LARP6: variants seen among roughly 807,000 people sequenced by gnomAD.
LARP6 encodes La ribonucleoprotein 6, translational regulator.
In LARP6, 18 loss-of-function variants were observed where a neutral mutation model predicts 32.8. The observed-to-expected ratio is 0.55, with a 90% CI of 0.38 to 0.81. The LOEUF is 0.81. Ranked by LOEUF, LARP6 falls within the 40% of genes least tolerant of loss-of-function variation. The pLI, the probability that LARP6 is intolerant of heterozygous loss-of-function variation, is 0.00. For missense variants in LARP6, 598 were observed against 663.1 expected (o/e 0.90, Z 1.08); for synonymous variants, 289 against 267.2 (o/e 1.08, Z -0.80).
In LARP6 at chr15:70,833,181, A is replaced by G. The variant is rs1214937929; in HGVS notation, c.412-65T>C. ...CCTTGTCCATCCTTGTGTATGCTATAAGCTCCCTCCCTCACTTCCTTATCC... is the reference window on the plus strand; with the variant it reads ...CCTTGTCCATCCTTGTGTATGCTATGAGCTCCCTCCCTCACTTCCTTATCC... On this transcript the variant is annotated intron_variant, in intron 2 of 2. Coordinates refer to ENST00000299213, the MANE Select transcript of LARP6 (RefSeq NM_018357.4). The G allele has an allele frequency of 7.6e-6, 10 of 1,323,438 alleles. No homozygotes were observed. The African/African-American group carries it at 1.4e-4, about 19-fold the overall frequency. The allele number at this position is 1,323,438 out of a possible 1,614,324, so 82.0% of individuals were successfully genotyped here.
intron 1 of LARP6, chr15:70,852,344 G>C (rs528586127): frequency 2.2e-6 from 1 of 453,256 alleles, no homozygotes; most frequent in Non-Finnish European, 4.4e-6. Flanking sequence ...TGGAGGAAGA[G>C]CAAGAGGGGT....
chr15:70,850,253 G>C (rs1384174894), intron 1 of LARP6, among the ~76,000 whole-genome samples: 1 of 152,156 alleles, frequency 6.6e-6, no homozygotes, highest in African/African-American at 2.4e-5. Context: ...AGGCCTGATG[G>C]CTTCATTGCT....
chr15:70,833,879 T>C (rs2032100249), intron 2 of LARP6, among the ~76,000 whole-genome samples: 1 of 152,184 alleles, frequency 6.6e-6, no homozygotes, highest in Admixed American at 6.5e-5. Context: ...TCACTAAGAA[T>C]GGTGAAATAA....
chr15:70,840,927 T>TC lies in LARP6; in HGVS notation c.201-4423_201-4422insG, dbSNP rs1433311312. Among the ~76,000 whole-genome samples, 1,516 of 151,662 alleles carry TC rather than the reference T, an allele frequency of 1.0e-2. 9 individuals carry two copies. The highest frequency in any genetic ancestry group is 0.023 in the South Asian group (111 of 4,774). The stretch of plus-strand genomic sequence containing the variant: ...TCTTTTCTCTCTTTTTTTTTTTTTT[T>TC]TTAAGAGACAGAGTCTCGCTCTTTC... On this transcript the variant is annotated intron_variant, in intron 1 of 2. Transcript: ENST00000299213.
rs374873960 is a variant in LARP6, at chr15:70,840,385, T to C, written c.201-3880A>G. ...TGAAACCCCATCTCTACCAAAAATA[T>C]AAAAATTAGCTGGGTGTGGTGGTGG... is the stretch of plus-strand genomic sequence containing the variant. On this transcript the variant is annotated intron_variant, in intron 1 of 2. Coordinates refer to ENST00000299213, the MANE Select transcript of LARP6 (RefSeq NM_018357.4). Among the ~76,000 whole-genome samples, 6 of 151,842 alleles carry C rather than the reference T, an allele frequency of 4.0e-5. No individual in the cohort carries two copies. In the South Asian group the frequency reaches 1.2e-3, roughly 32 times the overall value.
chr15:70,836,521 G>C lies in LARP6; in HGVS notation c.201-16C>G, dbSNP rs1386633543. The stretch of plus-strand genomic sequence containing the variant: ...AGTGGTGCCACTGAGACCAGAAGGA[G>C]ACACCGGGTGTTAGGGTCAACGTTG... On this transcript the variant is annotated splice_polypyrimidine_tract_variant and intron_variant, in intron 1 of 2. Coordinates refer to ENST00000299213, the MANE Select transcript of LARP6 (RefSeq NM_018357.4). The C allele has an allele frequency of 8.7e-6, 14 of 1,609,364 alleles. No homozygotes were observed. In the South Asian group the frequency reaches 9.9e-5, roughly 11 times the overall value.
intron 2 of LARP6, among the ~76,000 whole-genome samples, chr15:70,833,749 TATTTCTGC>T (rs1465455113): frequency 6.6e-6 from 1 of 152,260 alleles, no homozygotes; most frequent in Non-Finnish European, 1.5e-5. Context: ...TCTAAAGCAG[TATTTCTGC>T]ATTTCTGCAT....
In LARP6 at chr15:70,834,321, C is replaced by T. The variant is rs766799554; in HGVS notation, c.412-1205G>A. 2.1e-4 allele frequency among the ~76,000 whole-genome samples: 32 copies of T among 152,250 alleles called. 1 individual carries two copies. Among genetic ancestry groups the T allele is most frequent in the Admixed American group, 6.5e-4 (10 of 15,288 alleles). On this transcript the variant is annotated intron_variant, in intron 2 of 2. Coordinates refer to ENST00000299213, the MANE Select transcript of LARP6 (RefSeq NM_018357.4). ...TCAGACTTAGGCTACTAGAAGAACA[C>T]GGGTCCAAGGGCACAGAGAAGCAGG...
At position 70,829,248 on chromosome 15, in the gene LARP6, C is replaced by A. The variant is rs995715599; in HGVS notation, c.*2804G>T. 3 of 152,402 alleles carry A rather than the reference C, an allele frequency of 2.0e-5. No homozygotes were observed. Among genetic ancestry groups the A allele is most frequent in the Non-Finnish European group, 4.4e-5 (3 of 68,228 alleles). The allele number at this position is 152,402 out of a possible 1,614,324, so 9.4% of individuals were successfully genotyped here. A position where few individuals can be genotyped will look rare whatever the true frequency, so the allele number is the denominator to read the frequency against. ...CCGCCTCCCAGGTTCAAGCAATTCT[C>A]CTGCCTCCGCCTCCCAAGTAGCTGG... On this transcript the variant is annotated 3_prime_UTR_variant, in exon 3 of 3. Transcript: ENST00000299213.
At chr15:70,850,603 G>A (rs1417852197) in intron 1 of LARP6, among the ~76,000 whole-genome samples, 1 of 152,194 alleles carries the variant, frequency 6.6e-6, no homozygotes, top group African/African-American at 2.4e-5. Context: ...CAAATAACTT[G>A]TTAACTGCAA....
Position 70,832,340 on chromosome 15 carries a change from G to T in LARP6, c.1188C>A (p.Ser396=), listed in dbSNP as rs746319506. The change falls in exon 3 of 3, where the codon TCC becomes TCA. Residue 396 remains serine, a synonymous_variant. Transcript: ENST00000299213. ...TCAGTCTACCTTCCTCCGCCAGTGG[G>T]GACTTTCTGGAAACGCCTTTGCGTT... ...LAQRKGVSRK[S]PLAEEGRLNC... 28 of 1,614,214 alleles carry T rather than the reference G, an allele frequency of 1.7e-5. No individual in the cohort carries two copies. The highest frequency in any genetic ancestry group is 2.3e-5 in the Non-Finnish European group (27 of 1,180,044).
In LARP6 at chr15:70,833,067, T is replaced by C; in HGVS notation, c.461A>G (p.Tyr154Cys). The C allele has an allele frequency of 6.2e-7, 1 of 1,614,190 alleles. No individual in the cohort carries two copies. The highest frequency in any genetic ancestry group is 8.5e-7 in the Non-Finnish European group (1 of 1,180,026). ...CTCATTCAACTCAAGGACCACTGAA[T>C]ACTTCAAAGCATGTGCTGTGGTTCT... ...DWRTTAHALK[Y>C]SVVLELNEDH... The change falls in exon 3 of 3, where the codon TAT becomes TGT. Residue 154 changes from tyrosine to cysteine, a missense_variant. Physicochemically the swap from Tyr to Cys is radical, Grantham distance 194 (BLOSUM62 -2). Transcript: ENST00000299213.
At position 70,832,484 on chromosome 15, in the gene LARP6, G is replaced by T; in HGVS notation, c.1044C>A (p.Ser348=). ...SSSDPESNPT[S]PMAGRRHAAT... is the part of the protein sequence containing the mutation. Reference sequence around the variant, plus strand: ...CCGCGTGCCGTCGGCCCGCCATAGGGGATGTGGGGTTGCTCTCGGGGTCAG... The same window carrying T: ...CCGCGTGCCGTCGGCCCGCCATAGGTGATGTGGGGTTGCTCTCGGGGTCAG... The change falls in exon 3 of 3, where the codon TCC becomes TCA. Residue 348 remains serine, a synonymous_variant. Transcript: ENST00000299213. 6.5e-7 allele frequency: 1 copy of T among 1,548,492 alleles called. No homozygotes were observed. Among genetic ancestry groups the T allele is most frequent in the Non-Finnish European group, 8.7e-7 (1 of 1,150,826 alleles).
At chr15:70,849,341 G>T (rs2032405378) in intron 1 of LARP6, 1 of 157,228 alleles carries the variant, frequency 6.4e-6, no homozygotes, top group South Asian at 2.0e-4. Flanking sequence ...TGGGCGACAA[G>T]AGCAAGACCC....
chr15:70,839,897 A>G (rs1042895454), intron 1 of LARP6, among the ~76,000 whole-genome samples: 4 of 152,232 alleles, frequency 2.6e-5, no homozygotes, highest in Admixed American at 1.3e-4. Flanking sequence ...TTTTACTACC[A>G]TAAGGAAAAG....
At chr15:70,836,572 GCT>G in intron 1 of LARP6, 67 bp from the exon 2 acceptor site, 2 of 1,319,314 alleles carry the variant, frequency 1.5e-6, no homozygotes, top group Non-Finnish European at 1.1e-6. Flanking sequence ...AAATTCATAT[GCT>G]GAAGTCCTGA....
At chr15:70,838,912 C>CACAAAAAAAAAAAAAA (rs10634375) in intron 1 of LARP6, among the ~76,000 whole-genome samples, 3 of 102,890 alleles carry the variant, frequency 2.9e-5, no homozygotes, top group African/African-American at 1.4e-4. Context: ...CTCAGCCTCA[C>CACAAAAAAAAAAAAAA]AAAAAAAAAA....
chr15:70,853,214 AC>A (rs10709838), intron 1 of LARP6: 12,404 of 100,788 alleles, frequency 0.12, 581 homozygotes, highest in African/African-American at 0.27. Context: ...ACCCAGGAAC[AC>A]CCCCCCCCCG....
intron 1 of LARP6, among the ~76,000 whole-genome samples, chr15:70,845,082 C>T (rs534966813): frequency 6.6e-6 from 1 of 152,270 alleles, no homozygotes; most frequent in South Asian, 2.1e-4. Flanking sequence ...TATATATACA[C>T]CCAGGCTTGC....
Sources: allele counts gnomAD v4.1 joint callset (sites outside exome capture counted in the v4.1 genomes callset), GRCh38; gene constraint gnomAD v4.1.1; transcripts MANE v1.5; gene names NCBI Gene and HGNC (gene_info 2026-07-23, HGNC 2026-07-21).